Variants in RARS2 observed in about 807,000 individuals in gnomAD.
RARS2 encodes arginyl-tRNA synthetase 2, mitochondrial.
A neutral mutation model predicts 88.5 loss-of-function variants in RARS2; 67 were observed. The observed-to-expected ratio is 0.76, with a 90% confidence interval of 0.62 to 0.93. The LOEUF is 0.93. Ranked by LOEUF, RARS2 falls within the 40% of genes least tolerant of loss-of-function variation. The pLI, the probability that RARS2 is intolerant of heterozygous loss-of-function variation, is 0.00. For missense variants in RARS2, 664 were observed against 684.2 expected, an observed-to-expected ratio of 0.97 and a Z score of 0.33; for synonymous variants, 239 against 230.3, an observed-to-expected ratio of 1.04 and a Z score of -0.34.
chr6:87,568,537 T>C (rs139688741), intron 2 of RARS2, among the ~76,000 whole-genome samples: 312 of 152,278 alleles, frequency 2.0e-3, no homozygotes, highest in Admixed American at 5.2e-3. Context: ...ATTTCCCTTA[T>C]TATGCAGAAT....
At chr6:87,559,649 G>A (rs1003487324) in intron 4 of RARS2, among the ~76,000 whole-genome samples, 15 of 152,064 alleles carry the variant, frequency 9.9e-5, no homozygotes, top group African/African-American at 2.4e-5. Context: ...GAGCCACCAT[G>A]TCCAGGCAAG....
chr6:87,533,986 C>G (rs1213046247), intron 8 of RARS2, among the ~76,000 whole-genome samples: 3 of 152,088 alleles, frequency 2.0e-5, no homozygotes, highest in African/African-American at 7.2e-5. Flanking sequence ...ACCACAGACC[C>G]TTTTTTCATA....
At chr6:87,553,164 G>A (rs1784852472) in intron 5 of RARS2, among the ~76,000 whole-genome samples, 1 of 152,150 alleles carries the variant, frequency 6.6e-6, no homozygotes, top group South Asian at 2.1e-4. Flanking sequence ...TTAGAGCCTT[G>A]AGTACCTTTG....
rs1241608381 is a variant in RARS2, at chr6:87,559,551, T to C, written c.297+3151A>G. Among the ~76,000 whole-genome samples the C allele has an allele frequency of 3.3e-5, 5 of 150,796 alleles. No homozygotes were observed. In the East Asian group the frequency reaches 5.9e-4, roughly 18 times the overall value. ...ACAGCAGTGTGATCCTGTACAGCAG[T>C]GTTATCCTAGTTCATTGCAGCCCTA... On this transcript the variant is annotated intron_variant, in intron 4 of 19. Coordinates refer to ENST00000369536, the MANE Select transcript of RARS2 (RefSeq NM_020320.5).
intron 10 of RARS2, among the ~76,000 whole-genome samples, chr6:87,526,694 G>T (rs1243966406): frequency 6.7e-6 from 1 of 148,912 alleles, no homozygotes; most frequent in African/African-American, 2.5e-5. Flanking sequence ...TTTTGAGATG[G>T]AATTTCACTC....
rs1254674868 is a variant in RARS2, at chr6:87,575,819, A to AT, written c.37-6230dup. On this transcript the variant is annotated intron_variant, in intron 1 of 19. Coordinates refer to ENST00000369536, the MANE Select transcript of RARS2 (RefSeq NM_020320.5). ...GACCTCCATGCATCATTGTGGATAA[A>AT]TTTTTTTTTTTTTTGAGATGGAGTT... Among the ~76,000 whole-genome samples the AT allele has an allele frequency of 4.1e-3, 601 of 145,440 alleles. 3 individuals carry two copies. The highest frequency in any genetic ancestry group is 0.011 in the African/African-American group (448 of 39,760).
rs1450149291 is a variant in RARS2 at position 87,529,577 on chromosome 6, C to A, written c.843G>T (p.Lys281Asn). 6.2e-7 allele frequency: 1 copy of A among 1,606,306 alleles called. No homozygotes were observed. The highest frequency in any genetic ancestry group is 8.5e-7 in the Non-Finnish European group (1 of 1,172,874). Residue 281 changes from lysine (K) to asparagine (N), a missense_variant, in exon 10 of 20, where the codon AAG becomes AAT. Physicochemically the swap from Lys to Asn is moderately conservative, Grantham distance 94. Transcript: ENST00000369536. ...FYREKSQEVLKLLESKGLLLK... is the reference protein window; with the variant it reads ...FYREKSQEVLNLLESKGLLLK... ...GTAGGAGTCCTTTACTCTCCAGCAA[C>A]TTTAAGACCTCTTGAGATTTTTCAC... is the stretch of plus-strand genomic sequence containing the variant.
At chr6:87,542,072 C>A in intron 7 of RARS2, 78 bp from the exon 8 acceptor site, 1 of 1,135,096 alleles carries the variant, frequency 8.8e-7, no homozygotes, top group Non-Finnish European at 1.3e-6. Context: ...AGGTATAATT[C>A]TATAAAAAGA....
At chr6:87,533,991 T>C (rs1778377964) in intron 8 of RARS2, among the ~76,000 whole-genome samples, 1 of 152,184 alleles carries the variant, frequency 6.6e-6, no homozygotes, top group African/African-American at 2.4e-5. Context: ...AGACCCTTTT[T>C]TCATATATTT....
intron 8 of RARS2, among the ~76,000 whole-genome samples, chr6:87,541,042 TTC>T (rs1407583270): frequency 4.6e-5 from 7 of 150,586 alleles, no homozygotes; most frequent in Non-Finnish European, 8.8e-5. Context: ...ATTGAGAAAT[TTC>T]TGTGTCGAAT....
chr6:87,550,541 AT>A (rs1488904099), intron 5 of RARS2, among the ~76,000 whole-genome samples: 2 of 152,062 alleles, frequency 1.3e-5, no homozygotes, highest in South Asian at 2.1e-4. Context: ...AGCAAAAAAA[AT>A]CAATAGAAAT....
intron 4 of RARS2, 123 bp downstream of exon 4, chr6:87,562,579 A>G (rs1392014770): frequency 2.7e-6 from 2 of 728,798 alleles, no homozygotes; most frequent in African/African-American, 1.7e-5. Context: ...CAAGTTATGG[A>G]TCAGTATGTG....
intron 1 of RARS2, among the ~76,000 whole-genome samples, chr6:87,579,467 T>C (rs1772700198): frequency 6.6e-6 from 1 of 152,164 alleles, no homozygotes. Flanking sequence ...TCTAGGCCGA[T>C]GCCCAACCTC....
intron 1 of RARS2, among the ~76,000 whole-genome samples, chr6:87,572,923 C>CATAT (rs34529652): frequency 1.1e-3 from 165 of 151,298 alleles, no homozygotes; most frequent in African/African-American, 3.3e-3. Context: ...ACAGGGTAAA[C>CATAT]ATATATATAT....
chr6:87,518,104 C>CA, intron 17 of RARS2, 65 bp downstream of exon 17: 1 of 1,613,384 alleles, frequency 6.2e-7, no homozygotes, highest in Non-Finnish European at 8.5e-7. Context: ...TACTGGGCAG[C>CA]AAAAATGCTA....
chr6:87,549,257 G>A (rs1313015798), intron 5 of RARS2, among the ~76,000 whole-genome samples: 2 of 152,040 alleles, frequency 1.3e-5, no homozygotes, highest in Non-Finnish European at 2.9e-5. Context: ...TTGGGAGGCT[G>A]AGGCAGGAGA....
chr6:87,547,763 C>T (rs952156235), intron 6 of RARS2, among the ~76,000 whole-genome samples: 1 of 151,956 alleles, frequency 6.6e-6, no homozygotes, highest in Admixed American at 6.6e-5. Flanking sequence ...CCTCAGCCTC[C>T]TGAGTAGCTG....
intron 1 of RARS2, among the ~76,000 whole-genome samples, chr6:87,582,810 A>G (rs1774014060): frequency 6.6e-6 from 1 of 152,236 alleles, no homozygotes; most frequent in African/African-American, 2.4e-5. Context: ...ATTTGATAAT[A>G]AACTCATCAG....
intron 1 of RARS2, among the ~76,000 whole-genome samples, chr6:87,586,306 T>G (rs1274114674): frequency 6.6e-6 from 1 of 152,196 alleles, no homozygotes; most frequent in Non-Finnish European, 1.5e-5. Flanking sequence ...ATCCAAATAT[T>G]GTGATTCTAT....
Sources: allele counts gnomAD v4.1 joint callset (sites outside exome capture counted in the v4.1 genomes callset), GRCh38; gene constraint gnomAD v4.1.1; transcripts MANE v1.5; gene names NCBI Gene and HGNC (gene_info 2026-07-23, HGNC 2026-07-21).